SVEP1: variants seen among roughly 807,000 people sequenced by gnomAD.
The protein encoded by SVEP1 is sushi, von Willebrand factor type A, EGF and pentraxin domain-containing protein 1.
In SVEP1, 164 loss-of-function variants were observed where a neutral mutation model predicts 367.3. That is an observed-to-expected ratio of 0.45 (90% CI 0.39 to 0.51). The LOEUF is 0.51. Ranked by LOEUF, SVEP1 falls within the 20% of genes least tolerant of loss-of-function variation. The pLI is 0.00. For synonymous variants in SVEP1, 1,666 were observed against 1,611.6 expected (o/e 1.03, Z -0.81); for missense variants, 4,117 against 4,425.3 (o/e 0.93, Z 1.98).
chr9:110,382,441 G>A (rs1330979057), intron 43 of SVEP1, among the ~76,000 whole-genome samples: 1 of 152,176 alleles, frequency 6.6e-6, no homozygotes, highest in East Asian at 1.9e-4. Flanking sequence ...TTTGCTGTTA[G>A]TCTGATGGGC....
chr9:110,574,652 A>G (rs1830603537), intron 1 of SVEP1, among the ~76,000 whole-genome samples: 1 of 151,900 alleles, frequency 6.6e-6, no homozygotes, highest in South Asian at 2.1e-4. Flanking sequence ...TATTTTAGTT[A>G]TACCTAAGAA....
At chr9:110,417,254 TGTGCGCACC>T (rs1165649569) in intron 36 of SVEP1, among the ~76,000 whole-genome samples, 1 of 142,608 alleles carries the variant, frequency 7.0e-6, no homozygotes, top group Non-Finnish European at 1.5e-5. Flanking sequence ...GGCCAGTGTG[TGTGCGCACC>T]GTGCGCGAGC....
chr9:110,480,211 A>T (rs1829163907), intron 12 of SVEP1, among the ~76,000 whole-genome samples: 1 of 152,208 alleles, frequency 6.6e-6, no homozygotes, highest in Non-Finnish European at 1.5e-5. Flanking sequence ...TGTCATAAAG[A>T]CAAATTTCTC....
chr9:110,515,230 A>G (rs1361841898), intron 3 of SVEP1, among the ~76,000 whole-genome samples: 1 of 152,156 alleles, frequency 6.6e-6, no homozygotes, highest in Non-Finnish European at 1.5e-5. Flanking sequence ...TAAATGTGGC[A>G]TAGTCCCAGG....
rs772729009 is a variant in SVEP1 at position 110,411,225 on chromosome 9, G to A, written c.6486C>T (p.Tyr2162=). Residue 2162 remains tyrosine (Y), a synonymous_variant, in exon 37 of 48, where the codon TAC becomes TAT. Transcript: ENST00000374469. ...IMNGYASGSN[Y]SFGAMVAYSC... Reference sequence around the variant, plus strand: ...TGTAAGCCACCATGGCTCCAAAACTGTAGTTTGATCCACTTGCATAGCCAT... The same window carrying A: ...TGTAAGCCACCATGGCTCCAAAACTATAGTTTGATCCACTTGCATAGCCAT... 3.1e-6 allele frequency: 5 copies of A among 1,613,888 alleles called. No individual in the cohort carries two copies. In the East Asian group the frequency reaches 6.7e-5, roughly 22 times the overall value.
At position 110,524,972 on chromosome 9, in the gene SVEP1, G is replaced by A. The variant is rs568960483; in HGVS notation, c.965-10866C>T. Among the ~76,000 whole-genome samples the A allele has an allele frequency of 1.1e-3, 168 of 152,044 alleles. 1 individual carries two copies. Among genetic ancestry groups the A allele is most frequent in the African/African-American group, 3.9e-3 (160 of 41,484 alleles). On this transcript the variant is annotated intron_variant, in intron 3 of 47. Transcript: ENST00000374469. ...GGCAATCTGCCTGCCTCAGCTTCCC[G>A]AAGTGCTGGGACTTCAGGTGTGAGC...
chr9:110,481,215 G>T, intron 12 of SVEP1, 27 bp downstream of exon 12: 1 of 1,435,814 alleles, frequency 7.0e-7, no homozygotes, highest in Non-Finnish European at 9.2e-7. Context: ...ACACATTAAA[G>T]AAGTCTAGAA....
intron 1 of SVEP1, among the ~76,000 whole-genome samples, chr9:110,555,005 G>A (rs1160171088): frequency 6.6e-6 from 1 of 152,066 alleles, no homozygotes; most frequent in African/African-American, 2.4e-5. Flanking sequence ...GCCAAGAGGT[G>A]GAAAGTTGTG....
At chr9:110,526,901 T>C (rs1351856607) in intron 3 of SVEP1, among the ~76,000 whole-genome samples, 1 of 152,156 alleles carries the variant, frequency 6.6e-6, no homozygotes, top group East Asian at 1.9e-4. Flanking sequence ...TAGAGAATTA[T>C]GCCATGTGAA....
intron 16 of SVEP1, among the ~76,000 whole-genome samples, chr9:110,469,842 A>G (rs1828989040): frequency 6.6e-6 from 1 of 152,236 alleles, no homozygotes; most frequent in Admixed American, 6.5e-5. Flanking sequence ...CACACTGAGA[A>G]ATGAGAAACA....
intron 34 of SVEP1, 65 bp from the exon 35 acceptor site, chr9:110,429,399 CAAAAACCTCT>C: frequency 8.9e-7 from 1 of 1,128,558 alleles, no homozygotes; most frequent in East Asian, 2.8e-5. Context: ...TTATCTGTGC[CAAAAACCTCT>C]AAAAATATTA....
chr9:110,486,655 C>CT (rs774328287), intron 9 of SVEP1, among the ~76,000 whole-genome samples: 16 of 146,518 alleles, frequency 1.1e-4, no homozygotes, highest in East Asian at 6.1e-4. Flanking sequence ...CTCTCTCTCT[C>CT]TTTTTTTTTT....
intron 43 of SVEP1, among the ~76,000 whole-genome samples, chr9:110,385,665 C>T (rs569188901): frequency 6.8e-6 from 1 of 146,918 alleles, no homozygotes; most frequent in East Asian, 1.9e-4. Context: ...TAGAGGAGCA[C>T]ATTTTGAAAA....
intron 1 of SVEP1, among the ~76,000 whole-genome samples, chr9:110,556,346 G>C (rs766789227): frequency 3.9e-5 from 6 of 152,142 alleles, no homozygotes; most frequent in Non-Finnish European, 7.4e-5. Context: ...ATCTGGCATG[G>C]GGACAGTGTT....
chr9:110,541,531 C>T (rs12001328), intron 3 of SVEP1, among the ~76,000 whole-genome samples: 104,451 of 151,874 alleles, frequency 0.69, 36,779 homozygotes, highest in Admixed American at 0.77. Flanking sequence ...ATAAGATATA[C>T]GGTTGTCACT....
intron 13 of SVEP1, among the ~76,000 whole-genome samples, chr9:110,479,359 T>A (rs1446105423): frequency 6.6e-6 from 1 of 152,220 alleles, no homozygotes; most frequent in East Asian, 1.9e-4. Flanking sequence ...GGCATTTTTG[T>A]CAAACTTTAA....
At chr9:110,375,062 GTAT>G (rs1267355279) in intron 46 of SVEP1, among the ~76,000 whole-genome samples, 1 of 151,860 alleles carries the variant, frequency 6.6e-6, no homozygotes, top group Non-Finnish European at 1.5e-5. Flanking sequence ...ATTAAAATAA[GTAT>G]TATTCTGAAC....
chr9:110,497,733 C>T (rs1588081592), intron 7 of SVEP1, among the ~76,000 whole-genome samples: 1 of 152,326 alleles, frequency 6.6e-6, no homozygotes, highest in African/African-American at 2.4e-5. Context: ...CAGATGCACG[C>T]CAGTTATGGT....
intron 1 of SVEP1, among the ~76,000 whole-genome samples, chr9:110,566,819 C>A (rs1399200313): frequency 1.3e-5 from 2 of 152,210 alleles, no homozygotes; most frequent in Non-Finnish European, 2.9e-5. Context: ...CCAGAGCCTA[C>A]AGATTCTCTT....
Sources: allele counts gnomAD v4.1 joint callset (sites outside exome capture counted in the v4.1 genomes callset), GRCh38; gene constraint gnomAD v4.1.1; transcripts MANE v1.5; gene names NCBI Gene and HGNC (gene_info 2026-07-23, HGNC 2026-07-21).